The following CNTN4 variants were observed in gnomAD, a reference collection of about 807,000 sequenced individuals.
CNTN4 encodes the protein contactin-4.
A neutral mutation model predicts 122.5 loss-of-function variants in CNTN4; 77 were observed. The ratio of observed to expected loss-of-function variants is 0.63; its 90% CI spans 0.52 to 0.76. The LOEUF is 0.76. Ranked by LOEUF, CNTN4 falls within the 30% of genes least tolerant of loss-of-function variation. CNTN4 has a pLI of 0.00. For missense variants in CNTN4, 1,256 were observed against 1,259.1 expected (o/e 1.00, Z 0.04); for synonymous variants, 512 against 447.0 (o/e 1.15, Z -1.83).
chr3:2,869,232 T>C (rs1407430427), intron 8 of CNTN4, among the ~76,000 whole-genome samples: 1 of 152,144 alleles, frequency 6.6e-6, no homozygotes, highest in Non-Finnish European at 1.5e-5. Context: ...TTAGCTGCTA[T>C]GTGGAAAACG....
intron 12 of CNTN4, among the ~76,000 whole-genome samples, chr3:2,913,681 C>T (rs1026539689): frequency 1.3e-5 from 2 of 152,102 alleles, no homozygotes; most frequent in Non-Finnish European, 2.9e-5. Context: ...ATTGACAGAA[C>T]TGAAGAGAGA....
intron 2 of CNTN4, among the ~76,000 whole-genome samples, chr3:2,122,144 C>A (rs141626341): frequency 0.19 from 28,586 of 147,622 alleles, 3,519 homozygotes; most frequent in Admixed American, 0.3. Context: ...GACAGAGCGA[C>A]ACTCCATCTC....
At chr3:2,690,686 A>G (rs1422491958) in intron 4 of CNTN4, among the ~76,000 whole-genome samples, 2 of 152,266 alleles carry the variant, frequency 1.3e-5, no homozygotes, top group East Asian at 3.9e-4. Context: ...AAATCCTGAC[A>G]GTTGTCTGTT....
At chr3:2,924,493 C>G (rs986639863) in intron 12 of CNTN4, among the ~76,000 whole-genome samples, 2 of 152,118 alleles carry the variant, frequency 1.3e-5, no homozygotes, top group Non-Finnish European at 2.9e-5. Flanking sequence ...TCCTTCCATT[C>G]CAAAATCTCT....
At chr3:2,134,730 G>C (rs1237527737) in intron 2 of CNTN4, among the ~76,000 whole-genome samples, 1 of 152,190 alleles carries the variant, frequency 6.6e-6, no homozygotes, top group Non-Finnish European at 1.5e-5. Context: ...TGCAAGGGGA[G>C]CCCTGTGTTA....
intron 4 of CNTN4, among the ~76,000 whole-genome samples, chr3:2,627,226 A>G (rs1033862997): frequency 6.6e-6 from 1 of 152,186 alleles, no homozygotes; most frequent in African/African-American, 2.4e-5. Context: ...TGCACCATGT[A>G]CAACTCATTT....
intron 3 of CNTN4, among the ~76,000 whole-genome samples, chr3:2,459,633 A>T (rs1476847902): frequency 6.6e-6 from 1 of 152,070 alleles, no homozygotes; most frequent in Non-Finnish European, 1.5e-5. Flanking sequence ...GCTGGTGGCC[A>T]GGTGGCAAGC....
intron 3 of CNTN4, among the ~76,000 whole-genome samples, chr3:2,388,682 T>A (rs35675781): frequency 0.16 from 24,814 of 151,930 alleles, 2,490 homozygotes; most frequent in Middle Eastern, 0.26. Context: ...CTGTCTCTGC[T>A]AAAAATATAG....
chr3:2,127,847 G>A (rs2034254315), intron 2 of CNTN4, among the ~76,000 whole-genome samples: 1 of 152,150 alleles, frequency 6.6e-6, no homozygotes, highest in Admixed American at 6.6e-5. Context: ...AAGATTGCAA[G>A]CTCCACTGGT....
chr3:2,207,999 T>G (rs1369556057), intron 2 of CNTN4, among the ~76,000 whole-genome samples: 1 of 152,156 alleles, frequency 6.6e-6, no homozygotes, highest in Non-Finnish European at 1.5e-5. Context: ...AGAGCTCTGA[T>G]GGAGATAGAC....
intron 2 of CNTN4, among the ~76,000 whole-genome samples, chr3:2,149,024 A>G (rs1485777858): frequency 2.6e-5 from 4 of 151,912 alleles, no homozygotes; most frequent in Non-Finnish European, 5.9e-5. Flanking sequence ...AATTTCAAAC[A>G]CTGAAGTATT....
chr3:2,121,369 G>C (rs921759518), intron 2 of CNTN4, among the ~76,000 whole-genome samples: 2 of 151,912 alleles, frequency 1.3e-5, no homozygotes, highest in African/African-American at 4.8e-5. Context: ...GTGGTGGCAC[G>C]TGCCTGTAAA....
intron 2 of CNTN4, among the ~76,000 whole-genome samples, chr3:2,279,305 T>C (rs1357235222): frequency 6.6e-6 from 1 of 152,208 alleles, no homozygotes; most frequent in African/African-American, 2.4e-5. Flanking sequence ...GATCCTACTA[T>C]TTCCATCCTA....
chr3:2,836,956 A>G (rs1217384656), intron 7 of CNTN4, among the ~76,000 whole-genome samples: 1 of 152,202 alleles, frequency 6.6e-6, no homozygotes, highest in African/African-American at 2.4e-5. Flanking sequence ...ATGACAGCCA[A>G]TATTATATTT....
intron 4 of CNTN4, among the ~76,000 whole-genome samples, chr3:2,683,538 C>G (rs545765519): frequency 6.6e-6 from 1 of 152,076 alleles, no homozygotes; most frequent in South Asian, 2.1e-4. Context: ...AGACCAGTGC[C>G]TTACACAAAT....
rs74891435 is a variant in CNTN4 at position 2,204,165 on chromosome 3, A to G, written c.-145+103526A>G. On this transcript the variant is annotated intron_variant, in intron 2 of 24. Transcript: ENST00000418658. Reference sequence around the variant, plus strand: ...TCAGGAGTCATGTGAATACTTAAAAATGCAGAGCAGGTAACTTTTAAGATC... The same window carrying G: ...TCAGGAGTCATGTGAATACTTAAAAGTGCAGAGCAGGTAACTTTTAAGATC... 7.9e-3 allele frequency among the ~76,000 whole-genome samples: 1,202 copies of G among 152,268 alleles called. 17 individuals carry two copies. Among genetic ancestry groups the G allele is most frequent in the African/African-American group, 0.027 (1,131 of 41,560 alleles).
intron 14 of CNTN4, among the ~76,000 whole-genome samples, chr3:3,003,369 A>G (rs189105767): frequency 6.6e-6 from 1 of 152,298 alleles, no homozygotes; most frequent in East Asian, 1.9e-4. Flanking sequence ...TGGATAAACC[A>G]AATGTGGTGT....
intron 13 of CNTN4, among the ~76,000 whole-genome samples, chr3:2,965,107 C>G (rs976832910): frequency 5.3e-5 from 8 of 152,180 alleles, no homozygotes; most frequent in Non-Finnish European, 1.0e-4. Context: ...AAGGCATTAT[C>G]TTAGGTATCA....
rs749062586 is a variant in CNTN4, at chr3:2,244,204, T to C, written c.-144-94974T>C. On this transcript the variant is annotated intron_variant, in intron 2 of 24. Transcript: ENST00000418658. ...ATAAAATAGAACAGTTATAACATCA[T>C]ACTGTAATAAAAAAAATCTATGTAA... Among the ~76,000 whole-genome samples the C allele has an allele frequency of 2.1e-5, 3 of 140,140 alleles. No individual in the cohort carries two copies. The South Asian group carries it at 6.8e-4, about 32-fold the overall frequency. 91.9% of individuals were successfully genotyped at this position (140,140 alleles called of 152,430 possible).
Sources: gnomAD v4.1 joint callset for allele counts (sites outside exome capture counted in the v4.1 genomes callset) on GRCh38, gnomAD v4.1.1 for gene constraint, MANE v1.5 for transcripts, NCBI Gene and HGNC (gene_info 2026-07-23, HGNC 2026-07-21) for gene names.